TP53BP1: variants seen among roughly 807,000 people sequenced by gnomAD.
The protein encoded by TP53BP1 is TP53-binding protein 1.
Under a neutral mutation model 200.8 loss-of-function variants are expected in TP53BP1, and 61 were observed. That is an observed-to-expected ratio of 0.30 (90% confidence interval 0.25 to 0.38). The LOEUF is 0.38. TP53BP1 is among the 10% of genes least tolerant of loss of function. The pLI is 1.00. For missense variants in TP53BP1, 2,144 were observed against 2,371.9 expected (o/e 0.90, Z 2.00); for synonymous variants, 822 against 844.3 (o/e 0.97, Z 0.46).
chr15:43,499,969 T>C (rs2079201514), intron 1 of TP53BP1, among the ~76,000 whole-genome samples: 1 of 152,230 alleles, frequency 6.6e-6, no homozygotes, highest in Non-Finnish European at 1.5e-5. Flanking sequence ...CATGTGGTTA[T>C]AATGAATACT....
chr15:43,486,632 A>ATTTG (rs1197260166), intron 4 of TP53BP1, among the ~76,000 whole-genome samples: 1 of 151,896 alleles, frequency 6.6e-6, no homozygotes, highest in Non-Finnish European at 1.5e-5. Context: ...TTATTTATTT[A>ATTTG]TTTGTTTTTG....
intron 4 of TP53BP1, among the ~76,000 whole-genome samples, chr15:43,490,298 G>A (rs1007196171): frequency 2.0e-5 from 3 of 151,844 alleles, no homozygotes; most frequent in African/African-American, 7.3e-5. Context: ...ACGTTGTCCA[G>A]ACTGGTATCA....
In TP53BP1 at chr15:43,446,966, G is replaced by T. The variant is rs1041586743; in HGVS notation, c.2837-376C>A. The T allele has an allele frequency of 1.3e-5, 7 of 545,512 alleles. No individual in the cohort carries two copies. The African/African-American group carries it at 1.3e-4, about 10-fold the overall frequency. 33.8% of individuals were successfully genotyped at this position (545,512 alleles called of 1,614,324 possible). A position where few individuals can be genotyped will look rare whatever the true frequency, so the allele number is the denominator to read the frequency against. On this transcript the variant is annotated intron_variant, in intron 13 of 27. Coordinates refer to ENST00000382044, the MANE Select transcript of TP53BP1 (RefSeq NM_001141980.3). ...GAAGACTACTGGCTGCTTCAGGGAA[G>T]GAGGATCTAAGTTTTCTTGCCCTGT...
chr15:43,492,954 GC>G, intron 1 of TP53BP1, 82 bp downstream of exon 1: 1 of 931,226 alleles, frequency 1.1e-6, no homozygotes, highest in Non-Finnish European at 1.3e-6. Flanking sequence ...TTGCCACCCC[GC>G]CCCCTCCGGT....
At chr15:43,424,486 T>C (rs1451580584) in intron 18 of TP53BP1, among the ~76,000 whole-genome samples, 1 of 152,250 alleles carries the variant, frequency 6.6e-6, no homozygotes, top group Non-Finnish European at 1.5e-5. Context: ...GAATAATAAC[T>C]GGATCTATCA....
chr15:43,409,003 A>G lies in TP53BP1; in HGVS notation c.5494T>C (p.Ser1832Pro). 1 of 1,614,182 alleles carries G rather than the reference A, an allele frequency of 6.2e-7. No individual in the cohort carries two copies. The highest frequency in any genetic ancestry group is 2.2e-5 in the East Asian group (1 of 44,878). The change falls in exon 26 of 28, where the codon TCT becomes CCT. Residue 1832 changes from serine (S) to proline (P), a missense_variant. Ser to Pro is a moderately conservative substitution (Grantham distance 74). Coordinates refer to ENST00000382044, the MANE Select transcript of TP53BP1 (RefSeq NM_001141980.3). ...LCLASGIPCVSHVWVHDSCHA... is the reference protein window; with the variant it reads ...LCLASGIPCVPHVWVHDSCHA... Reference sequence around the variant, plus strand: ...CAACTATCATGGACCCAGACATGAGACACACAAGGAATCCCACTGGCAAGG... The same window carrying G: ...CAACTATCATGGACCCAGACATGAGGCACACAAGGAATCCCACTGGCAAGG...
upstream of TP53BP1, among the ~76,000 whole-genome samples, chr15:43,494,202 T>C (rs1225984763): frequency 1.3e-5 from 2 of 152,202 alleles, no homozygotes; most frequent in African/African-American, 4.8e-5. Flanking sequence ...ATATACATAG[T>C]AGGCATTCAA....
chr15:43,491,399 A>C (rs2079120633), intron 4 of TP53BP1, among the ~76,000 whole-genome samples: 1 of 151,988 alleles, frequency 6.6e-6, no homozygotes, highest in South Asian at 2.1e-4. Flanking sequence ...CTTTTTAATA[A>C]TTTTTTTCTA....
At chr15:43,451,944 G>A (rs1253650178) in intron 12 of TP53BP1, among the ~76,000 whole-genome samples, 1 of 152,162 alleles carries the variant, frequency 6.6e-6, no homozygotes, top group African/African-American at 2.4e-5. Flanking sequence ...AGACCAGCCT[G>A]GCCAACATGG....
At chr15:43,418,478 T>C (rs2584727) in intron 21 of TP53BP1, among the ~76,000 whole-genome samples, 74,597 of 150,086 alleles carry the variant, frequency 0.5, 22,637 homozygotes, top group African/African-American at 0.86. Context: ...TGCACTCCAG[T>C]CTAGGAGGCA....
At chr15:43,493,828 A>G (rs1292040144), upstream of TP53BP1, among the ~76,000 whole-genome samples, 1 of 152,166 alleles carries the variant, frequency 6.6e-6, no homozygotes, top group Non-Finnish European at 1.5e-5. Flanking sequence ...CTTATCTTTT[A>G]TGGGATTGCC....
chr15:43,417,371 G>A (rs1488485214), intron 21 of TP53BP1, among the ~76,000 whole-genome samples: 1 of 152,164 alleles, frequency 6.6e-6, no homozygotes, highest in Non-Finnish European at 1.5e-5. Flanking sequence ...GCAAGCCTTG[G>A]TTCTCTATCT....
In TP53BP1 at chr15:43,428,024, C is replaced by T; in HGVS notation, c.3820G>A (p.Val1274Ile). 1.3e-6 allele frequency: 2 copies of T among 1,595,618 alleles called. No individual in the cohort carries two copies. Among genetic ancestry groups the T allele is most frequent in the Non-Finnish European group, 8.6e-7 (1 of 1,166,466 alleles). ...YVDGTEVERK[V>I]TEETEEPIVE... is the part of the protein sequence containing the mutation. ...CTCAGAGTATGTATTACCTCAGTTA[C>T]TTTTCTTTCTACTTCTGTTCCATCC... The change falls in exon 18 of 28, where the codon GTA becomes ATA. Residue 1274 changes from valine (V) to isoleucine (I), a missense_variant. Physicochemically the swap from Val to Ile is conservative, Grantham distance 29. Coordinates refer to ENST00000382044, the MANE Select transcript of TP53BP1 (RefSeq NM_001141980.3).
chr15:43,505,010 A>T (rs1384398464), intron 1 of TP53BP1, among the ~76,000 whole-genome samples: 1 of 152,146 alleles, frequency 6.6e-6, no homozygotes, highest in African/African-American at 2.4e-5. Flanking sequence ...ACAGAGCGAG[A>T]CTCCGTTTCA....
chr15:43,421,826 C>G lies in TP53BP1; in HGVS notation c.4100+29G>C, dbSNP rs757709288. ...GTCAGCAACCCTGCCCCTGCTGTGG[C>G]TCTCTCTCTCTGGAGACCCTGTCTG... On this transcript the variant is annotated intron_variant, in intron 19 of 27. Coordinates refer to ENST00000382044, the MANE Select transcript of TP53BP1 (RefSeq NM_001141980.3). 5 of 1,596,332 alleles carry G rather than the reference C, an allele frequency of 3.1e-6. No individual in the cohort carries two copies. The African/African-American group carries it at 6.7e-5, about 21-fold the overall frequency.
intron 19 of TP53BP1, 62 bp from the exon 20 acceptor site, chr15:43,421,236 C>A: frequency 6.4e-7 from 1 of 1,570,280 alleles, no homozygotes; most frequent in Non-Finnish European, 8.7e-7. Context: ...TTCACAAAGT[C>A]TCCCCTTGGC....
intron 12 of TP53BP1, among the ~76,000 whole-genome samples, chr15:43,453,945 C>T (rs1174786527): frequency 6.6e-6 from 1 of 151,942 alleles, no homozygotes; most frequent in East Asian, 1.9e-4. Context: ...CAGCGGCTCA[C>T]GCCTGTAATC....
At chr15:43,438,441 T>C (rs938712287) in intron 15 of TP53BP1, 25 bp from the exon 16 acceptor site, 1 of 1,558,900 alleles carries the variant, frequency 6.4e-7, no homozygotes, top group Non-Finnish European at 8.7e-7. Context: ...TAAAGCAATA[T>C]ATTGTTAACT....
At position 43,491,661 on chromosome 15, in the gene TP53BP1, C is replaced by T. The variant is rs199618414; in HGVS notation, c.371+8G>A. ...ACATTTAAATAAACCCCTTCAAACACTGTATACCTGCTTGTCCTGTTTGGC... is the reference window on the plus strand; with the variant it reads ...ACATTTAAATAAACCCCTTCAAACATTGTATACCTGCTTGTCCTGTTTGGC... On this transcript the variant is annotated splice_region_variant and intron_variant, in intron 4 of 27. Coordinates refer to ENST00000382044, the MANE Select transcript of TP53BP1 (RefSeq NM_001141980.3). The T allele has an allele frequency of 1.2e-6, 2 of 1,605,294 alleles. No individual in the cohort carries two copies. The highest frequency in any genetic ancestry group is 3.3e-4 in the Middle Eastern group (2 of 6,054).
Sources: gnomAD v4.1 joint callset for allele counts (sites outside exome capture counted in the v4.1 genomes callset) on GRCh38, gnomAD v4.1.1 for gene constraint, MANE v1.5 for transcripts, NCBI Gene and HGNC (gene_info 2026-07-23, HGNC 2026-07-21) for gene names.